Variants in HNF1B observed in about 807,000 individuals in gnomAD.
HNF1B encodes hepatocyte nuclear factor 1-beta.
A neutral mutation model predicts 61.7 loss-of-function variants in HNF1B; 8 were observed. The ratio of observed to expected loss-of-function variants is 0.13; its 90% CI spans 0.08 to 0.23. HNF1B has a LOEUF of 0.23. Ranked by LOEUF, HNF1B falls within the 10% of genes least tolerant of loss-of-function variation. HNF1B has a pLI of 1.00. For missense variants in HNF1B, 562 were observed against 714.5 expected (o/e 0.79, Z 2.43); for synonymous variants, 314 against 287.7 (o/e 1.09, Z -0.93).
intron 4 of HNF1B, among the ~76,000 whole-genome samples, chr17:37,722,542 T>C (rs2033351229): frequency 6.6e-6 from 1 of 152,198 alleles, no homozygotes; most frequent in Admixed American, 6.5e-5. Flanking sequence ...CCAGCTCACC[T>C]TGGCTCAGGT....
chr17:37,699,352 T>C (rs866867263), intron 7 of HNF1B, among the ~76,000 whole-genome samples, 158 bp from the exon 8 acceptor site: 4 of 152,218 alleles, frequency 2.6e-5, no homozygotes, highest in South Asian at 2.1e-4. Flanking sequence ...ATAAGATTCA[T>C]GTAAATTCCA....
intron 7 of HNF1B, among the ~76,000 whole-genome samples, chr17:37,700,569 A>G: frequency 6.6e-6 from 1 of 152,228 alleles, no homozygotes; most frequent in African/African-American, 2.4e-5. Flanking sequence ...ATTAGATGCC[A>G]ATTGTGATCA....
intron 5 of HNF1B, among the ~76,000 whole-genome samples, chr17:37,706,055 T>A (rs528594561): frequency 6.6e-6 from 1 of 152,064 alleles, no homozygotes; most frequent in East Asian, 1.9e-4. Flanking sequence ...GCCTTGTGGG[T>A]TCAAGCAATT....
At chr17:37,726,578 G>A (rs910732528) in intron 4 of HNF1B, among the ~76,000 whole-genome samples, 3 of 152,198 alleles carry the variant, frequency 2.0e-5, no homozygotes, top group Non-Finnish European at 4.4e-5. Flanking sequence ...CTGGCCCAGA[G>A]TTTGGCTGGT....
chr17:37,689,756 A>G (rs1343122298), intron 8 of HNF1B, among the ~76,000 whole-genome samples: 2 of 152,248 alleles, frequency 1.3e-5, no homozygotes, highest in Non-Finnish European at 2.9e-5. Context: ...GCTAACATTT[A>G]TCGACATCCT....
At chr17:37,703,524 C>G (rs1305862074) in intron 6 of HNF1B, among the ~76,000 whole-genome samples, 1 of 152,014 alleles carries the variant, frequency 6.6e-6, no homozygotes, top group Non-Finnish European at 1.5e-5. Context: ...GAATATCTTC[C>G]CCACGGGCCT....
chr17:37,726,745 G>A (rs992399879), intron 4 of HNF1B, among the ~76,000 whole-genome samples: 2 of 152,168 alleles, frequency 1.3e-5, no homozygotes, highest in South Asian at 2.1e-4. Flanking sequence ...AGAGTTCAGC[G>A]AAAGGGAGGA....
chr17:37,693,001 C>T (rs2032256298), intron 8 of HNF1B, among the ~76,000 whole-genome samples: 1 of 151,822 alleles, frequency 6.6e-6, no homozygotes, highest in Non-Finnish European at 1.5e-5. Context: ...GCAGCCTGGC[C>T]AACATAGTGA....
intron 4 of HNF1B, among the ~76,000 whole-genome samples, chr17:37,728,294 A>C (rs2005706): frequency 0.05 from 7,301 of 146,084 alleles, 536 homozygotes; most frequent in African/African-American, 0.16. Context: ...GAGCCACCAC[A>C]CCTAGCCCAC....
intron 1 of HNF1B, among the ~76,000 whole-genome samples, chr17:37,742,312 G>C (rs1045292468): frequency 6.6e-6 from 1 of 152,254 alleles, no homozygotes; most frequent in Non-Finnish European, 1.5e-5. Context: ...AGCTCCGGCC[G>C]GGAGCCGGGG....
chr17:37,710,353 A>G (rs1000252004), intron 5 of HNF1B, 150 bp downstream of exon 5: 1 of 1,011,984 alleles, frequency 9.9e-7, no homozygotes, highest in Non-Finnish European at 1.5e-6. Context: ...GGTCACCAGC[A>G]CTACCTCTCC....
intron 5 of HNF1B, among the ~76,000 whole-genome samples, chr17:37,708,942 TTC>T (rs1259025404): frequency 6.6e-6 from 1 of 152,158 alleles, no homozygotes; most frequent in Non-Finnish European, 1.5e-5. Context: ...GACTCACCGT[TTC>T]TGTGTTGCCT....
In HNF1B at chr17:37,694,455, C is replaced by CA. The variant is rs1223571194; in HGVS notation, c.1653+4620dup. 6.5e-4 allele frequency among the ~76,000 whole-genome samples: 44 copies of CA among 68,150 alleles called. 2 individuals are homozygous for CA. Among genetic ancestry groups the CA allele is most frequent in the South Asian group, 2.0e-3 (3 of 1,514 alleles). The allele number at this position is 68,150 out of a possible 152,430, so 44.7% of individuals were successfully genotyped here. Reference sequence around the variant, plus strand: ...GCCCCGCCGCCCCCCCCCCCCCCCGCAAAAAAAAAAGATACTTGAAGATGT... The same window carrying CA: ...GCCCCGCCGCCCCCCCCCCCCCCCGCAAAAAAAAAAAGATACTTGAAGATGT... On this transcript the variant is annotated intron_variant, in intron 8 of 8. Coordinates refer to ENST00000617811, the MANE Select transcript of HNF1B (RefSeq NM_000458.4).
At chr17:37,700,681 T>C (rs1195122952) in intron 7 of HNF1B, among the ~76,000 whole-genome samples, 1 of 152,198 alleles carries the variant, frequency 6.6e-6, no homozygotes, top group East Asian at 1.9e-4. Context: ...CCAGAGGTGT[T>C]GGAATGGGAA....
chr17:37,731,296 T>C (rs1238157819), intron 4 of HNF1B: 3 of 553,952 alleles, frequency 5.4e-6, no homozygotes, highest in African/African-American at 1.9e-5. Context: ...CTCCTCAGTG[T>C]AGAATGACCG....
At chr17:37,721,061 C>T in intron 4 of HNF1B, 1 of 539,232 alleles carries the variant, frequency 1.9e-6, no homozygotes, top group Non-Finnish European at 2.4e-6. Flanking sequence ...GACTTCACTG[C>T]CAACCCAGTC....
At chr17:37,742,075 C>T (rs1303631678) in intron 1 of HNF1B, among the ~76,000 whole-genome samples, 1 of 152,246 alleles carries the variant, frequency 6.6e-6, no homozygotes, top group African/African-American at 2.4e-5. Context: ...AGAGGGCCTG[C>T]GGCCATTGTG....
intron 1 of HNF1B, among the ~76,000 whole-genome samples, chr17:37,742,949 A>G (rs879366342): frequency 2.0e-5 from 3 of 150,856 alleles, no homozygotes; most frequent in East Asian, 1.9e-4. Context: ...AACTTCACCA[A>G]TGAATAACCC....
intron 4 of HNF1B, among the ~76,000 whole-genome samples, chr17:37,724,232 C>T (rs916895): frequency 0.17 from 26,070 of 151,994 alleles, 3,223 homozygotes; most frequent in African/African-American, 0.35. Flanking sequence ...TATCCTAACA[C>T]CCCCCACCCC....
Sources: allele counts gnomAD v4.1 joint callset (sites outside exome capture counted in the v4.1 genomes callset), GRCh38; gene constraint gnomAD v4.1.1; transcripts MANE v1.5; gene names NCBI Gene and HGNC (gene_info 2026-07-23, HGNC 2026-07-21).